Variants in TIMD4 observed in about 807,000 individuals in gnomAD.
TIMD4 encodes the protein T-cell immunoglobulin and mucin domain-containing protein 4.
In TIMD4, 31 loss-of-function variants were observed where a neutral mutation model predicts 41.2. The ratio of observed to expected loss-of-function variants is 0.75; its 90% CI spans 0.57 to 1.01. The LOEUF (loss-of-function observed/expected upper bound fraction) is 1.01. Among genes scored for constraint, TIMD4 ranks in the 50% least tolerant of loss-of-function variants. TIMD4 has a pLI of 0.00. For synonymous variants in TIMD4, 204 were observed against 177.1 expected, an observed-to-expected ratio of 1.15 and a Z score of -1.21; for missense variants, 479 against 472.5, an observed-to-expected ratio of 1.01 and a Z score of -0.13.
At chr5:156,946,422 T>G (rs149662696) in intron 5 of TIMD4, among the ~76,000 whole-genome samples, 541 of 152,322 alleles carry the variant, frequency 3.6e-3, no homozygotes, top group African/African-American at 0.012. Flanking sequence ...ACAGTCTTAC[T>G]TCAAAACCTA....
chr5:156,959,475 G>T (rs1427199266), intron 1 of TIMD4, among the ~76,000 whole-genome samples: 2 of 152,180 alleles, frequency 1.3e-5, no homozygotes, highest in African/African-American at 4.8e-5. Flanking sequence ...AATGGTTCCT[G>T]TCTGTTGTAA....
At chr5:156,962,839 G>A (rs1753097851) in intron 1 of TIMD4, among the ~76,000 whole-genome samples, 2 of 152,174 alleles carry the variant, frequency 1.3e-5, no homozygotes, top group South Asian at 2.1e-4. Flanking sequence ...AACACCCATA[G>A]AGGAAATCTC....
intron 5 of TIMD4, among the ~76,000 whole-genome samples, chr5:156,946,653 A>AT (rs757799060): frequency 0.015 from 2,143 of 139,742 alleles, 53 homozygotes; most frequent in African/African-American, 0.052. Context: ...ATTTTTTTGT[A>AT]TTTTTTTTTT....
At position 156,954,615 on chromosome 5, in the gene TIMD4, G is replaced by C. The variant is rs200184575; in HGVS notation, c.200C>G (p.Ala67Gly). The C allele has an allele frequency of 6.2e-7, 1 of 1,614,082 alleles. No individual in the cohort carries two copies. The highest frequency in any genetic ancestry group is 8.5e-7 in the Non-Finnish European group (1 of 1,180,050). ...DQCPYSGCKEALIRTDGMRVT... is the reference protein window; with the variant it reads ...DQCPYSGCKEGLIRTDGMRVT... ...CCTCATTCCATCAGTGCGGATGAGCGCCTCCTTGCAACCGGAGTAGGGGCA... is the reference window on the plus strand; with the variant it reads ...CCTCATTCCATCAGTGCGGATGAGCCCCTCCTTGCAACCGGAGTAGGGGCA... The change falls in exon 2 of 9, where the codon GCG becomes GGG. Residue 67 changes from alanine to glycine, a missense_variant. Ala to Gly is a moderately conservative substitution (Grantham distance 60, BLOSUM62 0). Coordinates refer to ENST00000274532, the MANE Select transcript of TIMD4 (RefSeq NM_138379.3).
intron 1 of TIMD4, among the ~76,000 whole-genome samples, chr5:156,957,282 G>A (rs1759988292): frequency 6.6e-6 from 1 of 152,092 alleles, no homozygotes; most frequent in Non-Finnish European, 1.5e-5. Context: ...AGGAGGCAGA[G>A]GCTGGCAGAT....
chr5:156,954,386 C>T lies in TIMD4; in HGVS notation c.400+29G>A, dbSNP rs187461354. On this transcript the variant is annotated intron_variant, in intron 2 of 8. Transcript: ENST00000274532. The stretch of plus-strand genomic sequence containing the variant: ...CCATTAACCACTGAATCTCTCCTTC[C>T]GCAGGCATGAGGCCCTTCGTGTGCT... 8 of 1,590,262 alleles carry T rather than the reference C, an allele frequency of 5.0e-6. No individual in the cohort carries two copies. The Admixed American group carries it at 6.8e-5, about 14-fold the overall frequency.
intron 3 of TIMD4, among the ~76,000 whole-genome samples, chr5:156,951,007 T>TACACACACACACACAC (rs3068099): frequency 1.1e-4 from 17 of 149,476 alleles, no homozygotes; most frequent in Non-Finnish European, 2.2e-4. Flanking sequence ...CACCTCCTCG[T>TACACACACACACACAC]ACACACACAC....
At chr5:156,956,036 G>T (rs1053691678) in intron 1 of TIMD4, among the ~76,000 whole-genome samples, 1 of 152,118 alleles carries the variant, frequency 6.6e-6, no homozygotes, top group Admixed American at 6.5e-5. Context: ...ATTAATTACT[G>T]TGGTCACCAT....
At chr5:156,924,883 C>T (rs567294019) in intron 6 of TIMD4, among the ~76,000 whole-genome samples, 29 of 152,212 alleles carry the variant, frequency 1.9e-4, no homozygotes, top group African/African-American at 6.5e-4. Flanking sequence ...TTGGGTGATG[C>T]CATCCTACAA....
intron 1 of TIMD4, among the ~76,000 whole-genome samples, chr5:156,956,680 G>A (rs1470903945): frequency 2.6e-5 from 4 of 152,296 alleles, no homozygotes; most frequent in Middle Eastern, 3.4e-3. Context: ...TGGTTTAATT[G>A]TGCATCAGAG....
chr5:156,953,653 CAAAAAAAAAAAA>C (rs35165963), intron 2 of TIMD4, among the ~76,000 whole-genome samples: 6 of 58,488 alleles, frequency 1.0e-4, no homozygotes, highest in South Asian at 9.2e-4. Context: ...AAACTCTGTC[CAAAAAAAAAAAA>C]AAAAAAAAAA....
intron 6 of TIMD4, 150 bp from the exon 7 acceptor site, chr5:156,922,366 C>A (rs1759260338): frequency 8.2e-6 from 6 of 727,928 alleles, no homozygotes; most frequent in South Asian, 1.6e-5. Context: ...ACCCAAAACA[C>A]GTGACCCATA....
intron 1 of TIMD4, among the ~76,000 whole-genome samples, chr5:156,958,512 GCCAAGGTGTGAGTAAACAGGACT>G: frequency 6.6e-6 from 1 of 152,258 alleles, no homozygotes; most frequent in African/African-American, 2.4e-5. Context: ...TTGAGTAATG[GCCAAGGTGTGAGTAAACAGGACT>G]CCAAGACACT....
chr5:156,961,479 G>T (rs1341770566), intron 1 of TIMD4, among the ~76,000 whole-genome samples: 1 of 152,142 alleles, frequency 6.6e-6, no homozygotes. Context: ...AGCAACCTAC[G>T]TGTCCATCAA....
chr5:156,919,412 T>G lies in TIMD4; in HGVS notation c.*45A>C, dbSNP rs1159701687. On this transcript the variant is annotated 3_prime_UTR_variant, in exon 9 of 9. Coordinates refer to ENST00000274532, the MANE Select transcript of TIMD4 (RefSeq NM_138379.3). Reference sequence around the variant, plus strand: ...AATCTACTAAGACTTATTTTGACACTGGAGTGTCATGCCCCCATCCTCAAT... The same window carrying G: ...AATCTACTAAGACTTATTTTGACACGGGAGTGTCATGCCCCCATCCTCAAT... The G allele has an allele frequency of 6.6e-7, 1 of 1,518,274 alleles. No homozygotes were observed. The highest frequency in any genetic ancestry group is 2.3e-5 in the East Asian group (1 of 44,388). 94.1% of individuals were successfully genotyped at this position (1,518,274 alleles called of 1,614,324 possible).
At chr5:156,941,083 A>G (rs1012587891) in intron 5 of TIMD4, among the ~76,000 whole-genome samples, 2 of 152,142 alleles carry the variant, frequency 1.3e-5, no homozygotes, top group African/African-American at 4.8e-5. Context: ...GGGCGGTGCA[A>G]GATGTGCTTT....
intron 3 of TIMD4, 123 bp from the exon 4 acceptor site, chr5:156,949,854 A>G: frequency 1.6e-6 from 1 of 626,420 alleles, no homozygotes; most frequent in Non-Finnish European, 2.9e-6. Context: ...GTCTTGCTCT[A>G]TCACCCAGGC....
intron 4 of TIMD4, among the ~76,000 whole-genome samples, chr5:156,949,220 G>T (rs1055746607): frequency 5.3e-5 from 8 of 152,024 alleles, no homozygotes; most frequent in Non-Finnish European, 8.8e-5. Context: ...ACCAATTCTC[G>T]CTCCACTCTA....
chr5:156,926,993 T>C (rs1054859298), intron 5 of TIMD4, among the ~76,000 whole-genome samples: 1 of 152,166 alleles, frequency 6.6e-6, no homozygotes, highest in African/African-American at 2.4e-5. Context: ...CTAAGAATAC[T>C]GTGAGACTGC....
Sources: gnomAD v4.1 joint callset for allele counts (sites outside exome capture counted in the v4.1 genomes callset) on GRCh38, gnomAD v4.1.1 for gene constraint, MANE v1.5 for transcripts, NCBI Gene and HGNC (gene_info 2026-07-23, HGNC 2026-07-21) for gene names.